The following SYT7 variants were observed in gnomAD, a reference collection of about 807,000 sequenced individuals.
The protein encoded by SYT7 is synaptotagmin 7, also known as synaptotagmin-7.
Under a neutral mutation model 75.1 loss-of-function variants are expected in SYT7, and 29 were observed. The observed-to-expected ratio is 0.39, with a 90% CI of 0.29 to 0.53. SYT7 has a LOEUF of 0.53. Ranked by LOEUF, SYT7 falls within the 20% of genes least tolerant of loss-of-function variation. SYT7 has a pLI of 0.77. For synonymous variants in SYT7, 376 were observed against 401.7 expected, an observed-to-expected ratio of 0.94 and a Z score of 0.76; for missense variants, 693 against 953.2, an observed-to-expected ratio of 0.73 and a Z score of 3.59.
In SYT7 at chr11:61,533,647, A is replaced by C. The variant is rs1042206321; in HGVS notation, c.1065-523T>G. 21 of 985,270 alleles carry C rather than the reference A, an allele frequency of 2.1e-5. No individual in the cohort carries two copies. The African/African-American group carries it at 3.7e-4, about 17-fold the overall frequency. 61.0% of individuals were successfully genotyped at this position (985,270 alleles called of 1,614,324 possible). ...ATCAAGAGTTCTCTTCCCACCCTCCAGACGTGAGACTGACCAGGTGAGGTC... is the reference window on the plus strand; with the variant it reads ...ATCAAGAGTTCTCTTCCCACCCTCCCGACGTGAGACTGACCAGGTGAGGTC... On this transcript the variant is annotated intron_variant, in intron 7 of 12. Coordinates refer to ENST00000539008, the MANE Select transcript of SYT7 (RefSeq NM_001365809.2).
At position 61,523,719 on chromosome 11, in the gene SYT7, CG is replaced by C; in HGVS notation, c.1756+107del. ...GTGAGGACTGGAGGTCGGGGTGTGG[CG>C]GGTTGGGGTGAGGACCACTGCAGAC... is the stretch of plus-strand genomic sequence containing the variant. On this transcript the variant is annotated intron_variant, in intron 11 of 12. Transcript: ENST00000539008. This position sits in a 1 kb window ranked among gnomAD's most constrained non-coding sequence, Gnocchi z 5.0. 8.7e-7 allele frequency: 1 copy of C among 1,149,188 alleles called. No homozygotes were observed. The highest frequency in any genetic ancestry group is 1.3e-6 in the Non-Finnish European group (1 of 792,872). The allele number at this position is 1,149,188 out of a possible 1,614,324, so 71.2% of individuals were successfully genotyped here.
chr11:61,580,493 C>T lies in SYT7; in HGVS notation c.31+297G>A, dbSNP rs2064226309. ...CCCGGCTCCCACAGGGGCAGCGGCT[C>T]CTCGCTCCGCCACACACGTTGTCCT... On this transcript the variant is annotated intron_variant, in intron 1 of 12. Transcript: ENST00000539008. This position sits in a 1 kb window ranked among gnomAD's most constrained non-coding sequence, Gnocchi z 6.1. Among the ~76,000 whole-genome samples, 1 of 152,144 alleles carries T rather than the reference C, an allele frequency of 6.6e-6. No individual in the cohort carries two copies. The highest frequency in any genetic ancestry group is 1.5e-5 in the Non-Finnish European group (1 of 68,002).
chr11:61,582,085 TAC>T (rs36109978), upstream of SYT7, among the ~76,000 whole-genome samples: 20,382 of 147,064 alleles, frequency 0.14, 3,373 homozygotes, highest in African/African-American at 0.4. Flanking sequence ...ATCACCTACA[TAC>T]ACACACACAC....
At chr11:61,569,768 G>T (rs1369639257) in intron 1 of SYT7, among the ~76,000 whole-genome samples, 1 of 152,162 alleles carries the variant, frequency 6.6e-6, no homozygotes, top group Non-Finnish European at 1.5e-5. Context: ...CCAGGGAGAA[G>T]GGGGAGGAGA....
intron 6 of SYT7, chr11:61,541,056 G>T (rs919174837): frequency 1.3e-4 from 133 of 985,444 alleles, no homozygotes; most frequent in Non-Finnish European, 1.5e-4. Flanking sequence ...GCATGGCAGG[G>T]CCTCTTCGGG....
At position 61,542,497 on chromosome 11, in the gene SYT7, G is replaced by A. The variant is rs762726486; in HGVS notation, c.655C>T (p.Arg219Cys). 4.9e-5 allele frequency: 75 copies of A among 1,532,600 alleles called. 1 individual carries two copies. Among genetic ancestry groups the A allele is most frequent in the Admixed American group, 5.9e-5 (3 of 50,916 alleles). 94.9% of individuals were successfully genotyped at this position (1,532,600 alleles called of 1,614,324 possible). A position where few individuals can be genotyped will look rare whatever the true frequency, so the allele number is the denominator to read the frequency against. The change falls in exon 6 of 13, where the codon CGC becomes TGC. Residue 219 changes from arginine (R) to cysteine (C), a missense_variant. By Grantham distance (180) the Arg-to-Cys change is radical. Coordinates refer to ENST00000539008, the MANE Select transcript of SYT7 (RefSeq NM_001365809.2). The surrounding 1 kb of genome is among the most constrained non-coding windows in gnomAD (Gnocchi z 7.8). ...AGGCTCTGCTGCCGCATCAGGGTGC[G>A]GGGTCGCTGGCATTTCGGCTCTCCC... Reference protein sequence around the residue: ...STGEPKCQRPRTLMRQQSLQQ... With the variant: ...STGEPKCQRPCTLMRQQSLQQ...
At chr11:61,545,920 G>A (rs746121405) in intron 5 of SYT7, 111 bp downstream of exon 5, 45 of 976,266 alleles carry the variant, frequency 4.6e-5, no homozygotes, top group Middle Eastern at 2.1e-4. Context: ...GCCAGGGGCC[G>A]AGGACGGCAC....
At chr11:61,545,305 C>T (rs1297117599) in intron 5 of SYT7, among the ~76,000 whole-genome samples, 1 of 152,182 alleles carries the variant, frequency 6.6e-6, no homozygotes, top group Non-Finnish European at 1.5e-5. Flanking sequence ...TAGAACACCC[C>T]ATGACATCTG....
At chr11:61,525,173 C>T (rs898680885) in intron 9 of SYT7, among the ~76,000 whole-genome samples, 5 of 152,226 alleles carry the variant, frequency 3.3e-5, no homozygotes, top group Non-Finnish European at 7.3e-5. Context: ...GTCTCCAAAC[C>T]GCCCTCCCCG....
At chr11:61,584,831 T>C (rs138168158), upstream of SYT7, among the ~76,000 whole-genome samples, 1,619 of 152,312 alleles carry the variant, frequency 0.011, 101 homozygotes, top group Admixed American at 0.096. Context: ...TTGTATCTCA[T>C]TGGGGAGGGC....
At chr11:61,536,133 C>T (rs1436396361) in intron 7 of SYT7, among the ~76,000 whole-genome samples, 4 of 151,978 alleles carry the variant, frequency 2.6e-5, no homozygotes, top group African/African-American at 7.3e-5. Flanking sequence ...GTGGGCATGA[C>T]GAGGTGGGAA....
At chr11:61,584,614 T>G (rs2064347686), upstream of SYT7, among the ~76,000 whole-genome samples, 1 of 152,164 alleles carries the variant, frequency 6.6e-6, no homozygotes, top group Non-Finnish European at 1.5e-5. Context: ...TGCTGGAATA[T>G]CGATGAGAGC....
At chr11:61,531,984 T>C (rs1321578729) in intron 8 of SYT7, among the ~76,000 whole-genome samples, 1 of 151,630 alleles carries the variant, frequency 6.6e-6, no homozygotes, top group African/African-American at 2.4e-5. Flanking sequence ...TCCCGGCTGA[T>C]TCCTGTGCAC....
intron 6 of SYT7, 70 bp from the exon 7 acceptor site, chr11:61,538,336 GGAGAGAGAGGGAGAGAGAGAGAGAGA>G (rs2062931456): frequency 2.0e-6 from 1 of 506,722 alleles, no homozygotes; most frequent in Non-Finnish European, 3.1e-6. Flanking sequence ...CAGGGGGGAA[GGAGAGAGAGGGAGAGAGAGAGAGAGA>G]GAGAGAGAGA....
chr11:61,538,917 A>G (rs1256904344), intron 6 of SYT7, among the ~76,000 whole-genome samples: 1 of 152,204 alleles, frequency 6.6e-6, no homozygotes, highest in Non-Finnish European at 1.5e-5. Context: ...GGGTCTAAGG[A>G]GCTACCTCCC....
At chr11:61,578,241 C>T (rs549075909) in intron 1 of SYT7, among the ~76,000 whole-genome samples, 1 of 152,324 alleles carries the variant, frequency 6.6e-6, no homozygotes, top group African/African-American at 2.4e-5. Context: ...AGAACCACAC[C>T]TGTCAGGTAA....
intron 1 of SYT7, among the ~76,000 whole-genome samples, chr11:61,567,248 G>T (rs938818255): frequency 6.6e-6 from 1 of 152,168 alleles, no homozygotes; most frequent in Non-Finnish European, 1.5e-5. Flanking sequence ...TGGCTGGAAT[G>T]CAGGGTCTAA....
In SYT7 at chr11:61,542,735, C is replaced by T. The variant is rs941806777; in HGVS notation, c.573-156G>A. ...CCATCGGAGCTGTCGCCACCGCCGT[C>T]GCCGCCACTGCCTCGCCCAGGAGGC... On this transcript the variant is annotated intron_variant, in intron 5 of 12. Transcript: ENST00000539008. The surrounding 1 kb of genome is among the most constrained non-coding windows in gnomAD (Gnocchi z 7.8). 9.2e-5 allele frequency among the ~76,000 whole-genome samples: 14 copies of T among 152,208 alleles called. No individual in the cohort carries two copies. The highest frequency in any genetic ancestry group is 1.5e-4 in the Non-Finnish European group (10 of 68,018).
In SYT7 at chr11:61,524,225, T is replaced by G; in HGVS notation, c.1641+138A>C. On this transcript the variant is annotated intron_variant, in intron 10 of 12. Transcript: ENST00000539008. The surrounding 1 kb of genome is among the most constrained non-coding windows in gnomAD (Gnocchi z 4.1). ...CAATGTTCTGACTGCTAGCGAGGGCTGAGCTCCATCGGGTCCACCCATCTG... is the reference window on the plus strand; with the variant it reads ...CAATGTTCTGACTGCTAGCGAGGGCGGAGCTCCATCGGGTCCACCCATCTG... The G allele has an allele frequency of 9.4e-7, 1 of 1,067,156 alleles. No individual in the cohort carries two copies. Among genetic ancestry groups the G allele is most frequent in the Non-Finnish European group, 1.3e-6 (1 of 750,958 alleles). The allele number at this position is 1,067,156 out of a possible 1,614,324, so 66.1% of individuals were successfully genotyped here. A position where few individuals can be genotyped will look rare whatever the true frequency, so the allele number is the denominator to read the frequency against.
Sources: gnomAD v4.1 joint callset for allele counts (sites outside exome capture counted in the v4.1 genomes callset) on GRCh38, gnomAD v4.1.1 for gene constraint, Gnocchi (gnomAD v3.1) non-coding constraint, MANE v1.5 for transcripts, NCBI Gene and HGNC (gene_info 2026-07-23, HGNC 2026-07-21) for gene names.